NEB: variants seen among roughly 807,000 people sequenced by gnomAD.
NEB encodes nemaline myopathy type 2.
NEB carries 512 observed loss-of-function variants against 952.2 expected under a neutral mutation model. The observed-to-expected ratio is 0.54, with a 90% confidence interval of 0.50 to 0.58. The LOEUF is 0.58. NEB is among the 20% of genes least tolerant of loss of function. NEB has a pLI of 0.00. For missense variants in NEB, 8,428 were observed against 9,231.1 expected (o/e 0.91, Z 3.56); for synonymous variants, 2,900 against 3,149.8 (o/e 0.92, Z 2.66).
Position 151,546,748 on chromosome 2 carries a change from A to G in NEB, c.20368-305T>C, listed in dbSNP as rs1016025127. ...TAATTTTTGTATTTTTAGTAGAGACAGGGTTTCACCATGTTGGCCAGGCTG... is the reference window on the plus strand; with the variant it reads ...TAATTTTTGTATTTTTAGTAGAGACGGGGTTTCACCATGTTGGCCAGGCTG... On this transcript the variant is annotated intron_variant, in intron 133 of 181. Coordinates refer to ENST00000397345, the MANE Select transcript of NEB (RefSeq NM_001164508.2). Among the ~76,000 whole-genome samples, 4 of 151,748 alleles carry G rather than the reference A, an allele frequency of 2.6e-5. No individual in the cohort carries two copies. In the East Asian group the frequency reaches 5.8e-4, roughly 22 times the overall value.
At position 151,662,126 on chromosome 2, in the gene NEB, AAG is replaced by A; in HGVS notation, c.5970+7_5970+8del. 6.2e-7 allele frequency: 1 copy of A among 1,605,056 alleles called. No individual in the cohort carries two copies. The highest frequency in any genetic ancestry group is 8.5e-7 in the Non-Finnish European group (1 of 1,173,028). On this transcript the variant is annotated splice_region_variant and intron_variant, in intron 46 of 181. Coordinates refer to ENST00000397345, the MANE Select transcript of NEB (RefSeq NM_001164508.2). ...TGCATATGAAACACTGCATTATTGA[AAG>A]ACTTACTTCGTTCATAATTTTTGCA...
chr2:151,631,132 C>T lies in NEB; in HGVS notation c.9618+11G>A. 6.2e-7 allele frequency: 1 copy of T among 1,613,634 alleles called. No homozygotes were observed. Among genetic ancestry groups the T allele is most frequent in the Non-Finnish European group, 8.5e-7 (1 of 1,179,646 alleles). On this transcript the variant is annotated intron_variant, in intron 66 of 181. Coordinates refer to ENST00000397345, the MANE Select transcript of NEB (RefSeq NM_001164508.2). ...GGCATCTTGGAGAAGCTTAAGGCAG[C>T]TAGGACTCACCTTATTCATGTTGAG...
At chr2:151,704,953 TGTG>T (rs1032702634) in intron 13 of NEB, among the ~76,000 whole-genome samples, 6 of 152,234 alleles carry the variant, frequency 3.9e-5, no homozygotes, top group African/African-American at 1.4e-4. Context: ...CAGAGATTCT[TGTG>T]TATTTGTAAA....
intron 71 of NEB, among the ~76,000 whole-genome samples, chr2:151,623,116 T>A (rs1038520733): frequency 9.9e-5 from 15 of 152,176 alleles, no homozygotes; most frequent in African/African-American, 3.6e-4. Context: ...TCAAGGATGG[T>A]AGGTAGCTGA....
At chr2:151,635,493 G>C (rs2098740446) in intron 64 of NEB, among the ~76,000 whole-genome samples, 1 of 152,210 alleles carries the variant, frequency 6.6e-6, no homozygotes, top group Middle Eastern at 3.4e-3. Context: ...GATCACCTGA[G>C]GTCAAGAATT....
intron 130 of NEB, 136 bp from the exon 131 acceptor site, chr2:151,548,551 T>A: frequency 1.6e-6 from 1 of 611,550 alleles, no homozygotes; most frequent in Non-Finnish European, 2.9e-6. Flanking sequence ...GAAAAGTCAT[T>A]GACAAAATTT....
chr2:151,716,232 G>T, intron 10 of NEB: 2 of 350,272 alleles, frequency 5.7e-6, no homozygotes, highest in Non-Finnish European at 1.1e-5. Context: ...TCCGCTTCCC[G>T]GGATCAAGTG....
intron 170 of NEB, 175 bp from the exon 171 acceptor site, chr2:151,497,893 T>C: frequency 6.7e-7 from 1 of 1,486,638 alleles, no homozygotes; most frequent in South Asian, 1.4e-5. Flanking sequence ...CTGCACCCTC[T>C]AGAGAAGCAG....
chr2:151,705,325 C>G (rs890484665), intron 13 of NEB, among the ~76,000 whole-genome samples: 7 of 152,114 alleles, frequency 4.6e-5, no homozygotes, highest in Non-Finnish European at 1.0e-4. Context: ...TCTGGGTTTT[C>G]AAAATGTAAA....
At chr2:151,529,401 G>A in intron 145 of NEB, 87 bp from the exon 146 acceptor site, 2 of 862,830 alleles carry the variant, frequency 2.3e-6, no homozygotes, top group East Asian at 5.1e-5. Flanking sequence ...ATCCATGCAT[G>A]ACTATAGTAC....
At chr2:151,673,803 G>A (rs1023465943) in intron 36 of NEB, among the ~76,000 whole-genome samples, 2 of 146,698 alleles carry the variant, frequency 1.4e-5, no homozygotes, top group East Asian at 2.0e-4. Flanking sequence ...GCGCAATCTC[G>A]GCTCACTGCA....
At position 151,671,115 on chromosome 2, in the gene NEB, A is replaced by G. The variant is rs748121656; in HGVS notation, c.4414T>C (p.Tyr1472His). ...TTGACGGTATCTGGGTGCTGTCGAT[A>G]CTTCCTCTCATTTAATGCATCGCCT... is the stretch of plus-strand genomic sequence containing the variant. ...KAGDALNERK[Y>H]RQHPDTVKFT... The change falls in exon 38 of 182, where the codon TAT (tyrosine) becomes CAT (histidine). Residue 1472 changes from tyrosine to histidine, a missense_variant. Coordinates refer to ENST00000397345, the MANE Select transcript of NEB (RefSeq NM_001164508.2). The G allele has an allele frequency of 1.9e-5, 31 of 1,613,930 alleles. No individual in the cohort carries two copies. Among genetic ancestry groups the G allele is most frequent in the Non-Finnish European group, 2.4e-5 (28 of 1,179,836 alleles).
intron 3 of NEB, among the ~76,000 whole-genome samples, chr2:151,730,846 C>T (rs1222746878): frequency 6.6e-6 from 1 of 152,096 alleles, no homozygotes; most frequent in East Asian, 1.9e-4. Context: ...GCCTAATGTT[C>T]CTCATTCTTG....
intron 167 of NEB, among the ~76,000 whole-genome samples, chr2:151,501,947 T>TATC (rs1186776666): frequency 2.0e-5 from 3 of 152,336 alleles, no homozygotes; most frequent in African/African-American, 7.2e-5. Flanking sequence ...AATTAATTTA[T>TATC]ATCTTACATA....
chr2:151,549,719 G>A lies in NEB; in HGVS notation c.19966C>T (p.Arg6656Cys), dbSNP rs527250558. Residue 6656 changes from arginine to cysteine, a missense_variant, in exon 130 of 182, where the codon CGC (arginine) becomes TGC (cysteine). By Grantham distance (180) the Arg-to-Cys change is radical. Around this residue, in one of 11 missense-constraint regions of NEB, gnomAD observed 3,374 missense variants for 3,651.5 expected, o/e 0.92. Coordinates refer to ENST00000397345, the MANE Select transcript of NEB (RefSeq NM_001164508.2). ...AGTCTATATCCAGTGGGCAGGGTGC[G>A]CAGGCTGGTTTTGTATAGATTCTGC... ...QSSNLYKTSL[R>C]TLPTGYRLPG... 7.0e-5 allele frequency: 111 copies of A among 1,589,280 alleles called. No individual in the cohort carries two copies. The highest frequency in any genetic ancestry group is 6.7e-4 in the Middle Eastern group (4 of 6,008).
intron 13 of NEB, among the ~76,000 whole-genome samples, chr2:151,699,768 T>C (rs1385701117): frequency 7.0e-6 from 1 of 142,746 alleles, no homozygotes; most frequent in Non-Finnish European, 1.5e-5. Context: ...TATTAGCCCT[T>C]TGTCAGATGA....
intron 123 of NEB, 47 bp downstream of exon 123, chr2:151,560,957 G>T (rs750607570): frequency 8.6e-7 from 1 of 1,168,260 alleles, no homozygotes; most frequent in South Asian, 1.4e-5. Context: ...TGTCCCAGAA[G>T]GGGGAAAGGT....
At chr2:151,494,533 T>C (rs2058792886) in intron 173 of NEB, among the ~76,000 whole-genome samples, 1 of 152,146 alleles carries the variant, frequency 6.6e-6, no homozygotes, top group African/African-American at 2.4e-5. Flanking sequence ...CGCTAGTCTC[T>C]CAATGTCAAG....
chr2:151,670,161 C>A (rs59444636), intron 38 of NEB, among the ~76,000 whole-genome samples: 19,407 of 152,112 alleles, frequency 0.13, 1,680 homozygotes, highest in East Asian at 0.42. Flanking sequence ...GAATTGACAC[C>A]AGTTATTACT....
Sources: gnomAD v4.1 joint callset for allele counts (sites outside exome capture counted in the v4.1 genomes callset) on GRCh38, gnomAD v4.1.1 for gene constraint, gnomAD v4.1.1 regional missense constraint, MANE v1.5 for transcripts, NCBI Gene and HGNC (gene_info 2026-07-23, HGNC 2026-07-21) for gene names.